SYT1: variants seen among roughly 807,000 people sequenced by gnomAD.
The protein encoded by SYT1 is synaptotagmin 1, also known as synaptotagmin-1.
A neutral mutation model predicts 44.8 loss-of-function variants in SYT1; 8 were observed. That is an observed-to-expected ratio of 0.18 (90% CI 0.10 to 0.32). The LOEUF is 0.32. SYT1 is among the 10% of genes least tolerant of loss of function. The pLI is 1.00. For missense variants in SYT1, 286 were observed against 509.3 expected (o/e 0.56, Z 4.22); for synonymous variants, 154 against 188.8 (o/e 0.82, Z 1.51).
At chr12:79,234,770 G>A (rs1876087336) in intron 4 of SYT1, among the ~76,000 whole-genome samples, 1 of 145,102 alleles carries the variant, frequency 6.9e-6, no homozygotes, top group South Asian at 2.1e-4. Context: ...GAGTGCAGTG[G>A]CGCAATCTTG....
intron 1 of SYT1, among the ~76,000 whole-genome samples, chr12:78,936,934 A>G: frequency 6.6e-6 from 1 of 152,206 alleles, no homozygotes; most frequent in East Asian, 1.9e-4. Context: ...TCTACCCTCC[A>G]AAAGACAGGG....
chr12:79,054,588 T>C (rs563415887), intron 3 of SYT1, among the ~76,000 whole-genome samples: 71 of 152,038 alleles, frequency 4.7e-4, no homozygotes, highest in African/African-American at 1.6e-3. Flanking sequence ...AAAACTTTGG[T>C]ACAACTTTGG....
At chr12:79,055,662 T>TA (rs1413247319) in intron 3 of SYT1, among the ~76,000 whole-genome samples, 4 of 151,976 alleles carry the variant, frequency 2.6e-5, no homozygotes, top group Non-Finnish European at 5.9e-5. Context: ...TCCTCTTCTA[T>TA]AAAAATGAAA....
At chr12:79,162,160 A>C (rs1041482097) in intron 3 of SYT1, among the ~76,000 whole-genome samples, 4 of 152,108 alleles carry the variant, frequency 2.6e-5, no homozygotes, top group Admixed American at 1.3e-4. Flanking sequence ...TACAATAAGG[A>C]ATGGTGAGAA....
At chr12:79,037,121 C>T (rs921156975) in intron 2 of SYT1, among the ~76,000 whole-genome samples, 4 of 151,826 alleles carry the variant, frequency 2.6e-5, no homozygotes, top group African/African-American at 9.7e-5. Flanking sequence ...CAATTCTGCT[C>T]CTGATATTCA....
chr12:79,427,092 C>T (rs1463989448), intron 9 of SYT1, among the ~76,000 whole-genome samples: 1 of 152,180 alleles, frequency 6.6e-6, no homozygotes, highest in East Asian at 1.9e-4. Context: ...ATAAATTACC[C>T]AGTCTCAGGT....
chr12:79,367,895 T>A (rs1883613545), intron 9 of SYT1, among the ~76,000 whole-genome samples: 1 of 151,538 alleles, frequency 6.6e-6, no homozygotes, highest in Non-Finnish European at 1.5e-5. Flanking sequence ...GATGATACCT[T>A]TTTTTAAAAA....
chr12:79,344,179 C>T (rs921134680), intron 8 of SYT1, among the ~76,000 whole-genome samples: 7 of 152,220 alleles, frequency 4.6e-5, no homozygotes, highest in African/African-American at 1.7e-4. Flanking sequence ...CTTATACAGA[C>T]ATTCCCTGAA....
intron 1 of SYT1, among the ~76,000 whole-genome samples, chr12:78,904,445 G>A (rs1021553750): frequency 1.3e-5 from 2 of 152,126 alleles, no homozygotes; most frequent in Non-Finnish European, 2.9e-5. Context: ...GATCTTTGGA[G>A]AACATGGATG....
intron 1 of SYT1, among the ~76,000 whole-genome samples, chr12:78,876,923 T>TACGTATA (rs1874200649): frequency 1.8e-5 from 2 of 110,230 alleles, no homozygotes; most frequent in African/African-American, 6.6e-5. Flanking sequence ...TTATATATAA[T>TACGTATA]ATATATTATA....
chr12:79,249,583 A>G (rs926699082), intron 4 of SYT1, among the ~76,000 whole-genome samples: 9 of 152,162 alleles, frequency 5.9e-5, no homozygotes, highest in African/African-American at 2.2e-4. Context: ...CTTTAGGGAG[A>G]TGGCATCAAA....
intron 8 of SYT1, among the ~76,000 whole-genome samples, chr12:79,321,674 G>A (rs574104384): frequency 4.6e-5 from 7 of 152,264 alleles, no homozygotes; most frequent in African/African-American, 1.7e-4. Flanking sequence ...CAGGGCACTG[G>A]GTTTGAGTCT....
In SYT1 at chr12:79,081,257, G is replaced by C. The variant is rs372523618; in HGVS notation, c.-18+33895G>C. 5.3e-5 allele frequency among the ~76,000 whole-genome samples: 8 copies of C among 152,208 alleles called. No individual in the cohort carries two copies. The East Asian group carries it at 1.4e-3, about 26-fold the overall frequency. ...CCCTTGTGTCTTCTCCCCTTCCAGA[G>C]TAGGCCATATACCTATGAACGTTTT... On this transcript the variant is annotated intron_variant, in intron 3 of 10. Coordinates refer to ENST00000261205, the MANE Select transcript of SYT1 (RefSeq NM_005639.3).
rs112628077 is a variant in SYT1, at chr12:79,074,114, T to G, written c.-18+26752T>G. 1.3e-3 allele frequency among the ~76,000 whole-genome samples: 193 copies of G among 152,334 alleles called. 1 individual carries two copies. Among genetic ancestry groups the G allele is most frequent in the African/African-American group, 4.3e-3 (180 of 41,590 alleles). ...GACCAAGACTCTGGAGTGTTTTTAT[T>G]TAATGAAACCTCTAATCAGATCCTG... is the stretch of plus-strand genomic sequence containing the variant. On this transcript the variant is annotated intron_variant, in intron 3 of 10. Coordinates refer to ENST00000261205, the MANE Select transcript of SYT1 (RefSeq NM_005639.3).
At chr12:79,338,389 G>A (rs10861886) in intron 8 of SYT1, among the ~76,000 whole-genome samples, 8 of 149,994 alleles carry the variant, frequency 5.3e-5, no homozygotes, top group African/African-American at 7.4e-5. Flanking sequence ...GCAATCCCCC[G>A]ACCTCCTACC....
intron 3 of SYT1, among the ~76,000 whole-genome samples, chr12:79,185,154 T>G (rs1872735266): frequency 6.6e-6 from 1 of 152,122 alleles, no homozygotes; most frequent in Admixed American, 6.6e-5. Context: ...TTACAGATTC[T>G]GTGAATTTCT....
At chr12:78,904,641 G>A (rs1373634183) in intron 1 of SYT1, among the ~76,000 whole-genome samples, 2 of 152,078 alleles carry the variant, frequency 1.3e-5, no homozygotes, top group Non-Finnish European at 2.9e-5. Flanking sequence ...TTTGACATTT[G>A]AAGGGAAGAG....
At chr12:79,412,621 C>T (rs1352049380) in intron 9 of SYT1, among the ~76,000 whole-genome samples, 1 of 152,144 alleles carries the variant, frequency 6.6e-6, no homozygotes, top group Non-Finnish European at 1.5e-5. Flanking sequence ...TACTGTAACA[C>T]TATTGTTAAT....
chr12:79,291,422 C>A (rs1879574816), intron 5 of SYT1, among the ~76,000 whole-genome samples: 1 of 152,148 alleles, frequency 6.6e-6, no homozygotes. Flanking sequence ...GTGAACTTTT[C>A]TCTAAACACG....
Sources: allele counts gnomAD v4.1 joint callset (sites outside exome capture counted in the v4.1 genomes callset), GRCh38; gene constraint gnomAD v4.1.1; transcripts MANE v1.5; gene names NCBI Gene and HGNC (gene_info 2026-07-23, HGNC 2026-07-21).